Variants in ALG14 observed in about 807,000 individuals in gnomAD.
The protein encoded by ALG14 is UDP-N-acetylglucosamine transferase subunit ALG14.
ALG14 carries 17 observed loss-of-function variants against 22.8 expected under a neutral mutation model. The ratio of observed to expected loss-of-function variants is 0.75; its 90% CI spans 0.51 to 1.12. The LOEUF is 1.12. ALG14 is among the 50% of genes most tolerant of loss of function. The pLI, the probability that ALG14 is intolerant of heterozygous loss-of-function variation, is 0.00. For synonymous variants in ALG14, 89 were observed against 103.7 expected, an observed-to-expected ratio of 0.86 and a Z score of 0.86; for missense variants, 288 against 271.8, an observed-to-expected ratio of 1.06 and a Z score of -0.42.
rs144763948 is a variant in ALG14 at position 95,042,690 on chromosome 1, T to C, written c.289-15430A>G. On this transcript the variant is annotated intron_variant, in intron 2 of 3. Transcript: ENST00000370205. ...AAACCTCAAATGTGATTCCTTTTCT[T>C]GTTCTTTCTGGAAGTTTTTAGTATC... Among the ~76,000 whole-genome samples the C allele has an allele frequency of 3.9e-3, 593 of 152,342 alleles. 1 individual carries two copies. Among genetic ancestry groups the C allele is most frequent in the Admixed American group, 8.9e-3 (136 of 15,302 alleles).
intron 2 of ALG14, among the ~76,000 whole-genome samples, chr1:95,060,359 A>C (rs1675101820): frequency 6.6e-6 from 1 of 152,154 alleles, no homozygotes; most frequent in Non-Finnish European, 1.5e-5. Flanking sequence ...TAGTAAAAGG[A>C]AGTTGAACAG....
chr1:95,061,420 T>C (rs987743343), intron 2 of ALG14, among the ~76,000 whole-genome samples: 1 of 152,190 alleles, frequency 6.6e-6, no homozygotes. Context: ...GAATACATTT[T>C]AGTAGTATGT....
rs116423542 is a variant in ALG14, at chr1:95,049,288, G to A, written c.288+15578C>T. On this transcript the variant is annotated intron_variant, in intron 2 of 3. Coordinates refer to ENST00000370205, the MANE Select transcript of ALG14 (RefSeq NM_144988.4). ...TGGCTCACACCTGTAATCCCAGCAC[G>A]TTGGGAGGTGAAAATGGGCAGATTG... 5.5e-3 allele frequency among the ~76,000 whole-genome samples: 842 copies of A among 152,166 alleles called. 2 individuals are homozygous for A. Among genetic ancestry groups the A allele is most frequent in the Non-Finnish European group, 8.5e-3 (579 of 67,996 alleles).
rs1675608779 is a variant in ALG14, at chr1:95,072,688, G to A, written c.136+75C>T. ...ACTCCAAGAAGTGCTAAGGGTACCAGGGAAGAGCGTCGCGGTGCACTCTGG... is the reference window on the plus strand; with the variant it reads ...ACTCCAAGAAGTGCTAAGGGTACCAAGGAAGAGCGTCGCGGTGCACTCTGG... On this transcript the variant is annotated intron_variant, in intron 1 of 3. Transcript: ENST00000370205. The A allele has an allele frequency of 7.6e-6, 12 of 1,573,994 alleles. No individual in the cohort carries two copies. The Admixed American group carries it at 1.9e-4, about 25-fold the overall frequency.
At chr1:94,994,532 A>G (rs544657981) in intron 3 of ALG14, among the ~76,000 whole-genome samples, 1 of 152,334 alleles carries the variant, frequency 6.6e-6, no homozygotes, top group South Asian at 2.1e-4. Context: ...TTTAAACCTT[A>G]GAATAGCTCT....
chr1:95,028,980 A>G (rs1359241588), intron 2 of ALG14, among the ~76,000 whole-genome samples: 1 of 152,234 alleles, frequency 6.6e-6, no homozygotes, highest in Non-Finnish European at 1.5e-5. Flanking sequence ...CTTGAATCAA[A>G]ATTCCAGATA....
chr1:95,016,264 G>T (rs1673491579), intron 3 of ALG14, among the ~76,000 whole-genome samples: 1 of 152,104 alleles, frequency 6.6e-6, no homozygotes, highest in Non-Finnish European at 1.5e-5. Flanking sequence ...GGAGTGACAA[G>T]AACTGTTTTT....
At chr1:95,043,989 C>T (rs1218247182) in intron 2 of ALG14, among the ~76,000 whole-genome samples, 1 of 152,108 alleles carries the variant, frequency 6.6e-6, no homozygotes, top group Non-Finnish European at 1.5e-5. Flanking sequence ...TTTCCAGGTT[C>T]CTCTAGGCAA....
In ALG14 at chr1:94,976,819, C is replaced by T. The variant is rs747382996; in HGVS notation, c.*6257G>A. The stretch of plus-strand genomic sequence containing the variant: ...ACATGTCATTCCTCTGATTATGTTA[C>T]ATTAACATGGCAAAAGGGACGTAAT... On this transcript the variant is annotated 3_prime_UTR_variant, in exon 4 of 4. Transcript: ENST00000370205. 3.9e-5 allele frequency: 6 copies of T among 152,100 alleles called. No individual in the cohort carries two copies. The highest frequency in any genetic ancestry group is 7.3e-5 in the Non-Finnish European group (5 of 68,028). 9.4% of individuals were successfully genotyped at this position (152,100 alleles called of 1,614,324 possible).
rs535195817 is a variant in ALG14, at chr1:95,056,788, G to C, written c.288+8078C>G. Among the ~76,000 whole-genome samples the C allele has an allele frequency of 7.9e-5, 12 of 151,166 alleles. No homozygotes were observed. In the East Asian group the frequency reaches 2.9e-3, roughly 36 times the overall value. ...AATCTAAAACTTCTGGCTGGGCGTG[G>C]TGGCTCACGCCTGTAATCCCAGCAC... On this transcript the variant is annotated intron_variant, in intron 2 of 3. Transcript: ENST00000370205.
rs972284712 is a variant in ALG14 at position 95,045,099 on chromosome 1, T to C, written c.289-17839A>G. On this transcript the variant is annotated intron_variant, in intron 2 of 3. Transcript: ENST00000370205. ...TATTTTAGGTCTCTTTCTTCATTAT[T>C]TTTCTAACAGTTAAAGCTAGCATAT... 5.9e-5 allele frequency among the ~76,000 whole-genome samples: 9 copies of C among 152,318 alleles called. No individual in the cohort carries two copies. In the East Asian group the frequency reaches 1.7e-3, roughly 29 times the overall value.
At position 95,072,916 on chromosome 1, in the gene ALG14, G is replaced by A; in HGVS notation, c.-18C>T. 1.2e-6 allele frequency: 2 copies of A among 1,613,434 alleles called. No homozygotes were observed. Among genetic ancestry groups the A allele is most frequent in the East Asian group, 2.2e-5 (1 of 44,854 alleles). On this transcript the variant is annotated 5_prime_UTR_variant, in exon 1 of 4. Coordinates refer to ENST00000370205, the MANE Select transcript of ALG14 (RefSeq NM_144988.4). ...CACACCATGCAGAGAAACGGCGCAT[G>A]CGTCCAACTTCCGGGGACCAGCCGC...
chr1:95,071,373 C>G (rs1360301158), intron 1 of ALG14, among the ~76,000 whole-genome samples: 4 of 152,048 alleles, frequency 2.6e-5, no homozygotes, highest in Non-Finnish European at 1.5e-5. Context: ...TGGTGAAACA[C>G]TGTCTGTACT....
chr1:95,029,559 T>C (rs573617133), intron 2 of ALG14, among the ~76,000 whole-genome samples: 10 of 152,332 alleles, frequency 6.6e-5, no homozygotes, highest in Middle Eastern at 3.4e-3. Context: ...GAATAATTAA[T>C]ACATTCTTCC....
chr1:95,021,758 A>C (rs915787317), intron 3 of ALG14, among the ~76,000 whole-genome samples: 1 of 152,128 alleles, frequency 6.6e-6, no homozygotes, highest in Non-Finnish European at 1.5e-5. Context: ...ACCCTCATCT[A>C]TAAGGCCAGG....
At chr1:95,005,415 T>C (rs539246790) in intron 3 of ALG14, among the ~76,000 whole-genome samples, 138 of 146,662 alleles carry the variant, frequency 9.4e-4, no homozygotes, top group African/African-American at 3.7e-3. Context: ...AGAAACGAAA[T>C]GGTCTATGAC....
intron 3 of ALG14, among the ~76,000 whole-genome samples, chr1:95,004,402 A>G (rs1390641952): frequency 6.6e-6 from 1 of 151,424 alleles, no homozygotes; most frequent in Non-Finnish European, 1.5e-5. Flanking sequence ...TCGTATTTTT[A>G]GCAGAGACAA....
chr1:95,037,537 G>A (rs573057108), intron 2 of ALG14, among the ~76,000 whole-genome samples: 4 of 152,198 alleles, frequency 2.6e-5, no homozygotes, highest in South Asian at 2.1e-4. Context: ...GCCCGGTGGA[G>A]CTGCCACTGC....
intron 1 of ALG14, among the ~76,000 whole-genome samples, chr1:95,071,611 C>G (rs1229365250): frequency 6.6e-6 from 1 of 152,160 alleles, no homozygotes; most frequent in Non-Finnish European, 1.5e-5. Flanking sequence ...CTACATTGAA[C>G]TCTACACGAT....
Sources: gnomAD v4.1 joint callset for allele counts (sites outside exome capture counted in the v4.1 genomes callset) on GRCh38, gnomAD v4.1.1 for gene constraint, MANE v1.5 for transcripts, NCBI Gene and HGNC (gene_info 2026-07-23, HGNC 2026-07-21) for gene names.